The following ZNF273 variants were observed in gnomAD, a reference collection of about 807,000 sequenced individuals.
The protein encoded by ZNF273 is zinc finger protein 273.
Under a neutral mutation model 14.9 loss-of-function variants are expected in ZNF273, and 11 were observed. The observed-to-expected ratio is 0.74, with a 90% confidence interval of 0.46 to 1.22. ZNF273 has a LOEUF of 1.22. Among genes scored for constraint, ZNF273 ranks in the 50% most tolerant of loss-of-function variants. The pLI, the probability that ZNF273 is intolerant of heterozygous loss-of-function variation, is 0.00. For synonymous variants in ZNF273, 199 were observed against 223.9 expected (o/e 0.89, Z 0.99); for missense variants, 577 against 660.6 (o/e 0.87, Z 1.39).
In ZNF273 at chr7:64,929,106, C is replaced by T; in HGVS notation, c.*68C>T. The T allele has an allele frequency of 1.6e-5, 4 of 255,544 alleles. No homozygotes were observed. In the Admixed American group the frequency reaches 4.5e-4, roughly 29 times the overall value. 15.8% of individuals were successfully genotyped at this position (255,544 alleles called of 1,614,324 possible). A position where few individuals can be genotyped will look rare whatever the true frequency, so the allele number is the denominator to read the frequency against. ...TTGATTGTATATAAGATAATTCATACTGGAGAAAACTCCCAGAAGTGGAGT... is the reference window on the plus strand; with the variant it reads ...TTGATTGTATATAAGATAATTCATATTGGAGAAAACTCCCAGAAGTGGAGT... On this transcript the variant is annotated 3_prime_UTR_variant, in exon 4 of 4. Transcript: ENST00000476120.
chr7:64,936,186 G>A, the ZNF273 span, among the ~76,000 whole-genome samples: 3 of 152,130 alleles, frequency 2.0e-5, no homozygotes, highest in African/African-American at 7.2e-5. Context: ...TGCAAATCTG[G>A]TCTTTCAATT....
chr7:64,878,522 G>A (rs1316127281), intron 2 of ZNF273: 3 of 152,292 alleles, frequency 2.0e-5, no homozygotes, highest in African/African-American at 7.2e-5. Flanking sequence ...GTGAGGTGTG[G>A]TTGGGATCCC....
chr7:64,884,766 A>C (rs1004259083), intron 1 of ZNF273, among the ~76,000 whole-genome samples: 3 of 152,204 alleles, frequency 2.0e-5, no homozygotes, highest in Admixed American at 6.5e-5. Flanking sequence ...AATGGAGTCC[A>C]AAGAGAAGTT....
intron 1 of ZNF273, among the ~76,000 whole-genome samples, chr7:64,909,698 A>G (rs1397438957): frequency 2.0e-5 from 3 of 151,444 alleles, no homozygotes; most frequent in Non-Finnish European, 2.9e-5. Context: ...TGGGGTATTC[A>G]GGTTGCTGAA....
downstream of ZNF273, among the ~76,000 whole-genome samples, chr7:64,890,809 T>C (rs1344752326): frequency 6.6e-6 from 1 of 152,168 alleles, no homozygotes; most frequent in Non-Finnish European, 1.5e-5. Context: ...GGGCAAAGGC[T>C]GGTGCAAGGC....
At chr7:64,932,171 C>T (rs916869259), downstream of ZNF273, among the ~76,000 whole-genome samples, 3 of 150,170 alleles carry the variant, frequency 2.0e-5, no homozygotes, top group Non-Finnish European at 2.9e-5. Context: ...AAAAGGCATA[C>T]GCTGTCCACA....
At chr7:64,916,896 CTTCT>C in intron 1 of ZNF273, 1 of 748,044 alleles carries the variant, frequency 1.3e-6, no homozygotes. Flanking sequence ...TTATTTTTCT[CTTCT>C]TTATTAAGTA....
intron 3 of ZNF273, chr7:64,923,315 GTTGT>G: frequency 2.2e-6 from 1 of 453,940 alleles, no homozygotes; most frequent in South Asian, 1.6e-5. Context: ...TTTTATTGTT[GTTGT>G]TTGTTTTGTG....
intron 1 of ZNF273, among the ~76,000 whole-genome samples, chr7:64,914,060 G>T (rs1793763090): frequency 6.6e-6 from 1 of 151,890 alleles, no homozygotes; most frequent in African/African-American, 2.4e-5. Flanking sequence ...CCAGGCTGGA[G>T]TGCAATGGCT....
chr7:64,929,265 C>T lies in ZNF273; in HGVS notation c.*227C>T. 2.9e-6 allele frequency: 1 copy of T among 342,390 alleles called. No homozygotes were observed. The highest frequency in any genetic ancestry group is 5.2e-6 in the Non-Finnish European group (1 of 191,510). The allele number at this position is 342,390 out of a possible 1,614,324, so 21.2% of individuals were successfully genotyped here. On this transcript the variant is annotated 3_prime_UTR_variant, in exon 4 of 4. Coordinates refer to ENST00000476120, the MANE Select transcript of ZNF273 (RefSeq NM_021148.3). ...AAAGCATTATCAATGAAATTACTGT[C>T]AAAAGATCTTTCAGACAATATAAGC...
chr7:64,885,816 A>AT (rs1791541406), intron 1 of ZNF273, among the ~76,000 whole-genome samples: 1 of 152,186 alleles, frequency 6.6e-6, no homozygotes, highest in Non-Finnish European at 1.5e-5. Flanking sequence ...ATCAACTGGG[A>AT]GGGAGTGGAG....
At chr7:64,887,245 T>A (rs1253543333) in intron 1 of ZNF273, among the ~76,000 whole-genome samples, 1 of 152,144 alleles carries the variant, frequency 6.6e-6, no homozygotes, top group East Asian at 1.9e-4. Context: ...ACACAGGCAG[T>A]TTTCTCTAAA....
chr7:64,920,298 A>G (rs763839548), intron 3 of ZNF273, among the ~76,000 whole-genome samples: 11 of 152,062 alleles, frequency 7.2e-5, no homozygotes, highest in Admixed American at 3.3e-4. Context: ...AGTTGGGTCT[A>G]TATATGGTGG....
chr7:64,886,061 GA>G (rs1399150989), intron 1 of ZNF273, among the ~76,000 whole-genome samples: 3 of 136,394 alleles, frequency 2.2e-5, no homozygotes, highest in Non-Finnish European at 4.8e-5. Flanking sequence ...TTAGGTGGGG[GA>G]AACCACACTG....
At chr7:64,921,605 CT>C (rs752363426) in intron 3 of ZNF273, among the ~76,000 whole-genome samples, 41 of 57,952 alleles carry the variant, frequency 7.1e-4, no homozygotes, top group African/African-American at 2.7e-3. Context: ...CATGCTAATG[CT>C]TTTTTTTTTT....
chr7:64,892,283 C>T (rs1792081639), downstream of ZNF273, among the ~76,000 whole-genome samples: 1 of 152,194 alleles, frequency 6.6e-6, no homozygotes, highest in African/African-American at 2.4e-5. Context: ...AAAATAAACA[C>T]TGGAACCAGC....
chr7:64,918,616 G>T (rs1022904713), intron 3 of ZNF273, among the ~76,000 whole-genome samples: 2 of 128,014 alleles, frequency 1.6e-5, no homozygotes, highest in Admixed American at 1.9e-4. Flanking sequence ...AGCCAAGATT[G>T]TGCCACTGCA....
chr7:64,923,464 C>G lies in ZNF273; in HGVS notation c.326-4190C>G, dbSNP rs900076855. 2.0e-4 allele frequency: 87 copies of G among 432,786 alleles called. No individual in the cohort carries two copies. In the Admixed American group the frequency reaches 2.3e-3, roughly 11 times the overall value. 26.8% of individuals were successfully genotyped at this position (432,786 alleles called of 1,614,324 possible). On this transcript the variant is annotated intron_variant, in intron 3 of 3. Coordinates refer to ENST00000476120, the MANE Select transcript of ZNF273 (RefSeq NM_021148.3). The stretch of plus-strand genomic sequence containing the variant: ...TCAAGTGATTCTACTGCCTCAGCCT[C>G]CCGAGTAGCTGGGATTATAGGCGAG...
downstream of ZNF273, among the ~76,000 whole-genome samples, chr7:64,931,190 C>T (rs376998260): frequency 1.2e-3 from 182 of 152,138 alleles, no homozygotes; most frequent in Admixed American, 2.3e-3. Flanking sequence ...AATATTGGAA[C>T]AAAACAAATC....
Sources: gnomAD v4.1 joint callset for allele counts (sites outside exome capture counted in the v4.1 genomes callset) on GRCh38, gnomAD v4.1.1 for gene constraint, MANE v1.5 for transcripts, NCBI Gene and HGNC (gene_info 2026-07-23, HGNC 2026-07-21) for gene names.